Variants in ZNF804A observed in about 807,000 individuals in gnomAD.
The protein encoded by ZNF804A is zinc finger protein 804A.
ZNF804A carries 2 observed loss-of-function variants against 16.5 expected under a neutral mutation model. The ratio of observed to expected loss-of-function variants is 0.12; its 90% CI spans 0.05 to 0.38. The LOEUF is 0.38. Among genes scored for constraint, ZNF804A ranks in the 10% least tolerant of loss-of-function variants. ZNF804A has a pLI of 0.99. For missense variants in ZNF804A, 1,473 were observed against 1,390.7 expected (o/e 1.06, Z -0.94); for synonymous variants, 534 against 489.6 (o/e 1.09, Z -1.20).
chr2:184,762,981 T>C (rs1574200360), intron 1 of ZNF804A, among the ~76,000 whole-genome samples: 1 of 152,216 alleles, frequency 6.6e-6, no homozygotes, highest in East Asian at 1.9e-4. Context: ...TCACAAATGT[T>C]ATTTCTAGCC....
chr2:184,692,784 A>G (rs1692753823), intron 1 of ZNF804A, among the ~76,000 whole-genome samples: 1 of 152,216 alleles, frequency 6.6e-6, no homozygotes, highest in Admixed American at 6.5e-5. Context: ...CATCGTAATA[A>G]TAACTACTAT....
At chr2:184,865,877 C>A (rs776866613) in intron 1 of ZNF804A, among the ~76,000 whole-genome samples, 43 of 151,860 alleles carry the variant, frequency 2.8e-4, no homozygotes, top group Admixed American at 4.6e-4. Context: ...CAGTTAAATG[C>A]CTAGATGGAA....
At chr2:184,693,361 T>G (rs375378863) in intron 1 of ZNF804A, among the ~76,000 whole-genome samples, 3 of 152,204 alleles carry the variant, frequency 2.0e-5, no homozygotes, top group East Asian at 1.9e-4. Flanking sequence ...CACAATGGCT[T>G]GTCCAAGGTC....
intron 1 of ZNF804A, among the ~76,000 whole-genome samples, chr2:184,631,397 G>T (rs1458429713): frequency 6.6e-6 from 1 of 152,150 alleles, no homozygotes; most frequent in Non-Finnish European, 1.5e-5. Context: ...TTTAAAAGTT[G>T]TAAAGTGCAA....
chr2:184,803,210 C>A (rs1183186111), intron 1 of ZNF804A, among the ~76,000 whole-genome samples: 1 of 152,128 alleles, frequency 6.6e-6, no homozygotes, highest in Non-Finnish European at 1.5e-5. Context: ...TCTGTTTCCT[C>A]TACCTAAAGT....
At chr2:184,671,876 G>A (rs1692343385) in intron 1 of ZNF804A, among the ~76,000 whole-genome samples, 1 of 152,270 alleles carries the variant, frequency 6.6e-6, no homozygotes, top group South Asian at 2.1e-4. Flanking sequence ...ACCATAGTGT[G>A]TTATTGTTCT....
At chr2:184,773,753 A>G (rs1159951710) in intron 1 of ZNF804A, among the ~76,000 whole-genome samples, 2 of 151,912 alleles carry the variant, frequency 1.3e-5, no homozygotes, top group Non-Finnish European at 2.9e-5. Flanking sequence ...CACTAAAGAA[A>G]GAATTCATGT....
At chr2:184,810,953 A>G (rs561270332) in intron 1 of ZNF804A, among the ~76,000 whole-genome samples, 1 of 152,338 alleles carries the variant, frequency 6.6e-6, no homozygotes, top group African/African-American at 2.4e-5. Context: ...CAAATGCTAT[A>G]TAATACTTTC....
intron 2 of ZNF804A, among the ~76,000 whole-genome samples, chr2:184,871,536 C>T (rs926514145): frequency 1.3e-4 from 19 of 150,996 alleles, no homozygotes; most frequent in Admixed American, 4.0e-4. Context: ...AGAGAAAAAT[C>T]GCCAAGAGTG....
chr2:184,826,141 C>T (rs1030813717), intron 1 of ZNF804A, among the ~76,000 whole-genome samples: 2 of 152,084 alleles, frequency 1.3e-5, no homozygotes, highest in East Asian at 3.9e-4. Flanking sequence ...ACCTCGGCCT[C>T]TCAAAGGGCT....
At chr2:184,740,407 A>G (rs901902695) in intron 1 of ZNF804A, among the ~76,000 whole-genome samples, 4 of 152,244 alleles carry the variant, frequency 2.6e-5, no homozygotes, top group Admixed American at 6.5e-5. Context: ...TAATATGCTT[A>G]GTGAACACTA....
intron 2 of ZNF804A, among the ~76,000 whole-genome samples, chr2:184,900,640 T>G (rs1319488537): frequency 6.6e-6 from 1 of 152,036 alleles, no homozygotes; most frequent in Non-Finnish European, 1.5e-5. Context: ...TTCAAAAGAT[T>G]TATTGGGGAA....
chr2:184,735,377 G>T (rs531701889), intron 1 of ZNF804A, among the ~76,000 whole-genome samples: 27 of 152,188 alleles, frequency 1.8e-4, no homozygotes, highest in African/African-American at 6.5e-4. Flanking sequence ...TCACTCATAA[G>T]TGGGAGTTGA....
At chr2:184,729,209 G>A (rs977977203) in intron 1 of ZNF804A, among the ~76,000 whole-genome samples, 4 of 151,674 alleles carry the variant, frequency 2.6e-5, no homozygotes, top group Non-Finnish European at 4.4e-5. Flanking sequence ...AGTATGTGAG[G>A]TAATTCATAT....
At chr2:184,632,052 C>T (rs1304827625) in intron 1 of ZNF804A, among the ~76,000 whole-genome samples, 3 of 151,832 alleles carry the variant, frequency 2.0e-5, no homozygotes, top group Admixed American at 6.6e-5. Flanking sequence ...TAAGTAATAA[C>T]GGAATGTCAG....
chr2:184,805,719 G>A (rs1307516457), intron 1 of ZNF804A, among the ~76,000 whole-genome samples: 3 of 151,988 alleles, frequency 2.0e-5, no homozygotes, highest in Admixed American at 2.0e-4. Flanking sequence ...GAAGCCATTA[G>A]CAATTGAACT....
chr2:184,865,207 T>C (rs893547850), intron 1 of ZNF804A, among the ~76,000 whole-genome samples: 1 of 151,998 alleles, frequency 6.6e-6, no homozygotes, highest in Admixed American at 6.6e-5. Context: ...AAAGGAGTTG[T>C]ATATAAGATA....
chr2:184,894,982 G>T (rs2105824223), intron 2 of ZNF804A, among the ~76,000 whole-genome samples: 1 of 152,204 alleles, frequency 6.6e-6, no homozygotes, highest in South Asian at 2.1e-4. Context: ...AAAAATAGAA[G>T]GCTACGATGA....
intron 1 of ZNF804A, among the ~76,000 whole-genome samples, chr2:184,815,834 A>G (rs1052415314): frequency 8.6e-5 from 13 of 152,036 alleles, no homozygotes; most frequent in Admixed American, 8.5e-4. Context: ...CAAGATGAGG[A>G]AATGATATCT....
Sources: allele counts gnomAD v4.1 joint callset (sites outside exome capture counted in the v4.1 genomes callset), GRCh38; gene constraint gnomAD v4.1.1; transcripts MANE v1.5; gene names NCBI Gene and HGNC (gene_info 2026-07-23, HGNC 2026-07-21).